The following RBPMS variants were observed in gnomAD, a reference collection of about 807,000 sequenced individuals.
RBPMS encodes RNA-binding protein with multiple splicing.
In RBPMS, 7 loss-of-function variants were observed where a neutral mutation model predicts 26.8. That is an observed-to-expected ratio of 0.26 (90% CI 0.15 to 0.49). The LOEUF (loss-of-function observed/expected upper bound fraction) is 0.49, where lower values mean the gene tolerates loss of function less well. RBPMS is among the 20% of genes least tolerant of loss of function. RBPMS has a pLI of 0.98. For synonymous variants in RBPMS, 96 were observed against 93.3 expected (o/e 1.03, Z -0.17); for missense variants, 186 against 250.0 (o/e 0.74, Z 1.73).
chr8:30,485,708 T>C (rs1818700866), intron 4 of RBPMS, among the ~76,000 whole-genome samples: 3 of 152,046 alleles, frequency 2.0e-5, no homozygotes, highest in African/African-American at 7.3e-5. Flanking sequence ...CCAAAGAAAA[T>C]TGAAGTTGAC....
intron 1 of RBPMS, among the ~76,000 whole-genome samples, chr8:30,470,274 C>T (rs373007165): frequency 1.3e-5 from 2 of 151,838 alleles, no homozygotes; most frequent in African/African-American, 2.4e-5. Flanking sequence ...ATCCCAGCTA[C>T]TCGGGAGGCT....
chr8:30,451,664 G>A (rs1814604997), intron 1 of RBPMS, among the ~76,000 whole-genome samples: 2 of 152,188 alleles, frequency 1.3e-5, no homozygotes, highest in African/African-American at 4.8e-5. Flanking sequence ...GCAGGCAACA[G>A]TCTGTTGGTG....
At position 30,409,873 on chromosome 8, in the gene RBPMS, T is replaced by C. The variant is rs112311677; in HGVS notation, c.66+24715T>C. 4.9e-4 allele frequency among the ~76,000 whole-genome samples: 75 copies of C among 152,194 alleles called. 1 individual carries two copies. Among genetic ancestry groups the C allele is most frequent in the African/African-American group, 1.7e-3 (69 of 41,550 alleles). On this transcript the variant is annotated intron_variant, in intron 1 of 8. Transcript: ENST00000397323. ...GTCTCGATCTCCTGACCTTGTGATCTGCCCACCTTGGCCTCCCAAAGTGCT... is the reference window on the plus strand; with the variant it reads ...GTCTCGATCTCCTGACCTTGTGATCCGCCCACCTTGGCCTCCCAAAGTGCT...
chr8:30,408,056 C>T (rs1335135399), intron 1 of RBPMS, among the ~76,000 whole-genome samples: 3 of 152,104 alleles, frequency 2.0e-5, no homozygotes, highest in Non-Finnish European at 4.4e-5. Flanking sequence ...AGGAGATGAC[C>T]AGTTACAGGA....
intron 1 of RBPMS, among the ~76,000 whole-genome samples, chr8:30,433,098 C>A (rs563292662): frequency 6.6e-6 from 1 of 152,168 alleles, no homozygotes; most frequent in African/African-American, 2.4e-5. Flanking sequence ...AGCCAGCGGC[C>A]TCACTCCCCC....
rs1367362400 is a variant in RBPMS at position 30,544,589 on chromosome 8, CCTG to C, written c.496_498del (p.Ala166del). On this transcript the variant is annotated inframe_deletion, in exon 6 of 9. Transcript: ENST00000397323. ...GGAGTTAGCGCCTGCTCTACCTCCT[CCTG>C]CTTTCACCTATCCCGCTTCACTGCA... The C allele has an allele frequency of 2.5e-6, 4 of 1,614,194 alleles. No individual in the cohort carries two copies. The highest frequency in any genetic ancestry group is 3.4e-6 in the Non-Finnish European group (4 of 1,180,046).
Position 30,516,903 on chromosome 8 carries a change from T to TACAC in RBPMS, c.397+12483_397+12486dup, listed in dbSNP as rs139256402. On this transcript the variant is annotated intron_variant, in intron 5 of 8. Transcript: ENST00000397323. ...AACATAGCTTGACTCCATCTCTAAA[T>TACAC]ACACACACACACACACACAGACACA... Among the ~76,000 whole-genome samples, 377 of 147,396 alleles carry TACAC rather than the reference T, an allele frequency of 2.6e-3. 2 individuals are homozygous for TACAC. The South Asian group carries it at 0.028, about 11-fold the overall frequency.
At chr8:30,429,262 TG>T (rs1173273327) in intron 1 of RBPMS, among the ~76,000 whole-genome samples, 6 of 152,138 alleles carry the variant, frequency 3.9e-5, no homozygotes, top group Non-Finnish European at 7.4e-5. Context: ...CGTGGCTGGC[TG>T]GGGGGCCTCA....
chr8:30,571,123 A>T lies in RBPMS; in HGVS notation c.*598A>T, dbSNP rs1828235845. The T allele has an allele frequency of 6.6e-6, 1 of 152,212 alleles. No homozygotes were observed. Among genetic ancestry groups the T allele is most frequent in the Non-Finnish European group, 1.5e-5 (1 of 68,034 alleles). The allele number at this position is 152,212 out of a possible 1,614,324, so 9.4% of individuals were successfully genotyped here. A position where few individuals can be genotyped will look rare whatever the true frequency, so the allele number is the denominator to read the frequency against. On this transcript the variant is annotated 3_prime_UTR_variant, in exon 9 of 9. Coordinates refer to ENST00000397323, the MANE Select transcript of RBPMS (RefSeq NM_001008710.3). ...TTAGTAGCATGGTGTTAGATGTTAGAAACAGAACTGTTATTTGCAGTGTTA... is the reference window on the plus strand; with the variant it reads ...TTAGTAGCATGGTGTTAGATGTTAGTAACAGAACTGTTATTTGCAGTGTTA...
intron 1 of RBPMS, among the ~76,000 whole-genome samples, chr8:30,426,473 A>T (rs1467908529): frequency 1.3e-5 from 2 of 152,166 alleles, no homozygotes; most frequent in Non-Finnish European, 2.9e-5. Flanking sequence ...GGGTGAATGA[A>T]TACCTTATCG....
At chr8:30,428,335 A>G (rs1811584110) in intron 1 of RBPMS, among the ~76,000 whole-genome samples, 1 of 151,340 alleles carries the variant, frequency 6.6e-6, no homozygotes, top group Admixed American at 6.6e-5. Flanking sequence ...GACCCCATGT[A>G]GTCCCAGCTA....
At position 30,554,434 on chromosome 8, in the gene RBPMS, T is replaced by C. The variant is rs113658105; in HGVS notation, c.529-4453T>C. Among the ~76,000 whole-genome samples, 346 of 152,336 alleles carry C rather than the reference T, an allele frequency of 2.3e-3. 2 individuals are homozygous for C. The highest frequency in any genetic ancestry group is 7.2e-3 in the African/African-American group (301 of 41,582). Reference sequence around the variant, plus strand: ...GTCTAGATCAAGTCAAACAGGTTTCTTTATTTTGGAACTTCTTGGAGCCAT... The same window carrying C: ...GTCTAGATCAAGTCAAACAGGTTTCCTTATTTTGGAACTTCTTGGAGCCAT... On this transcript the variant is annotated intron_variant, in intron 6 of 8. Transcript: ENST00000397323.
intron 4 of RBPMS, among the ~76,000 whole-genome samples, chr8:30,486,244 G>C (rs1352294014): frequency 6.6e-6 from 1 of 151,960 alleles, no homozygotes; most frequent in African/African-American, 2.4e-5. Context: ...GGAGACTGAG[G>C]CACGAGAATC....
chr8:30,528,430 A>T (rs1823839306), intron 5 of RBPMS, among the ~76,000 whole-genome samples: 1 of 152,136 alleles, frequency 6.6e-6, no homozygotes, highest in Non-Finnish European at 1.5e-5. Flanking sequence ...TGTTTGCCTT[A>T]TGGGCTCCAG....
At chr8:30,540,468 C>G (rs910190372) in intron 5 of RBPMS, among the ~76,000 whole-genome samples, 1 of 152,122 alleles carries the variant, frequency 6.6e-6, no homozygotes, top group African/African-American at 2.4e-5. Context: ...GTTGCCCTGG[C>G]TAGAAGTGTA....
chr8:30,475,467 C>G (rs544793225), intron 2 of RBPMS, among the ~76,000 whole-genome samples: 2 of 152,180 alleles, frequency 1.3e-5, no homozygotes, highest in Non-Finnish European at 2.9e-5. Flanking sequence ...TGGAGCTGAT[C>G]GAATCGGGGC....
At chr8:30,506,075 C>T (rs986789051) in intron 5 of RBPMS, among the ~76,000 whole-genome samples, 6 of 152,114 alleles carry the variant, frequency 3.9e-5, no homozygotes, top group Non-Finnish European at 5.9e-5. Context: ...GAATTTCCTA[C>T]AACAGCCCTG....
At chr8:30,431,230 C>CAT (rs1811889480) in intron 1 of RBPMS, among the ~76,000 whole-genome samples, 1 of 152,116 alleles carries the variant, frequency 6.6e-6, no homozygotes, top group Non-Finnish European at 1.5e-5. Context: ...CATAGGGTGT[C>CAT]ACATAGTAAG....
intron 4 of RBPMS, among the ~76,000 whole-genome samples, chr8:30,489,624 T>C (rs1819171311): frequency 6.6e-6 from 1 of 151,472 alleles, no homozygotes; most frequent in Admixed American, 6.6e-5. Context: ...TTTGAATTTT[T>C]AGTAGAGATG....
Sources: allele counts gnomAD v4.1 joint callset (sites outside exome capture counted in the v4.1 genomes callset), GRCh38; gene constraint gnomAD v4.1.1; transcripts MANE v1.5; gene names NCBI Gene and HGNC (gene_info 2026-07-23, HGNC 2026-07-21).